Variants in SPRY3 observed in about 807,000 individuals in gnomAD.
The protein encoded by SPRY3 is sprouty RTK signaling antagonist 3.
SPRY3 carries 15 observed loss-of-function variants against 20.2 expected under a neutral mutation model. The observed-to-expected ratio is 0.74, with a 90% CI of 0.50 to 1.14. The LOEUF is 1.14. Ranked by LOEUF, SPRY3 falls within the 50% of genes most tolerant of loss-of-function variation. SPRY3 has a pLI of 0.00. For missense variants in SPRY3, 364 were observed against 363.9 expected (o/e 1.00, Z 0.00); for synonymous variants, 143 against 136.5 (o/e 1.05, Z -0.33).
intron 2 of SPRY3, among the ~76,000 whole-genome samples, chrX:155,729,311 G>A (rs1569388898): frequency 2.0e-5 from 3 of 151,794 alleles, no homozygotes; most frequent in African/African-American, 7.3e-5. Flanking sequence ...ATATTTTGGG[G>A]TAACAAAAAA....
chrX:155,768,331 G>T (rs1017575148), intron 3 of SPRY3, among the ~76,000 whole-genome samples, 195 bp downstream of exon 2: 1 of 152,128 alleles, frequency 6.6e-6, no homozygotes, highest in Admixed American at 6.5e-5. Context: ...GGCTCTCGCA[G>T]AAAACTATCC....
chrX:155,729,633 T>G (rs1305663645), intron 2 of SPRY3, among the ~76,000 whole-genome samples: 1 of 151,396 alleles, frequency 6.6e-6, no homozygotes, highest in Admixed American at 6.6e-5. Flanking sequence ...AATAAATAAC[T>G]GAATGATGCC....
downstream of SPRY3, chrX:155,780,866 C>T (rs1419341430): frequency 5.4e-5 from 9 of 166,800 alleles, no homozygotes; most frequent in African/African-American, 2.2e-4. Flanking sequence ...GAAAGAAAAA[C>T]AAAGGTTAAG....
At chrX:155,771,400 G>A (rs1347772582) in intron 3 of SPRY3, among the ~76,000 whole-genome samples, 1 of 152,068 alleles carries the variant, frequency 6.6e-6, no homozygotes, top group Non-Finnish European at 1.5e-5. Context: ...TTTATCTCCT[G>A]TAACTTTGAG....
intron 2 of SPRY3, among the ~76,000 whole-genome samples, chrX:155,729,065 A>G (rs2091117066): frequency 6.6e-6 from 1 of 152,168 alleles, no homozygotes. Flanking sequence ...GAACCCAGAC[A>G]TATAAAGCAA....
At chrX:155,657,265 C>A (rs1372958714) in intron 2 of SPRY3, among the ~76,000 whole-genome samples, 3 of 112,071 alleles carry the variant, frequency 2.7e-5, no homozygotes, top group African/African-American at 9.7e-5. Flanking sequence ...GGAGTTTTAT[C>A]TATAAGCCCC....
chrX:155,660,033 T>C (rs987702992), intron 2 of SPRY3, among the ~76,000 whole-genome samples: 1 of 112,029 alleles, frequency 8.9e-6, no homozygotes, highest in Non-Finnish European at 1.9e-5. Flanking sequence ...CATTTAGTTC[T>C]GCTATGATCT....
chrX:155,680,509 A>G (rs1001875291), intron 2 of SPRY3, among the ~76,000 whole-genome samples: 9 of 110,895 alleles, frequency 8.1e-5, no homozygotes, highest in Admixed American at 6.8e-4. Context: ...GGCTGATGGG[A>G]TGGATGGCAG....
chrX:155,766,838 C>T (rs1320763107), intron 2 of SPRY3, among the ~76,000 whole-genome samples: 1 of 152,130 alleles, frequency 6.6e-6, no homozygotes, highest in Non-Finnish European at 1.5e-5. Flanking sequence ...GAATGCATGC[C>T]ATGCTAAAGG....
intron 1 of SPRY3, among the ~76,000 whole-genome samples, chrX:155,637,085 G>A (rs943212100): frequency 9.6e-6 from 1 of 104,516 alleles, no homozygotes; most frequent in Non-Finnish European, 2.0e-5. Flanking sequence ...CCTAATGCTA[G>A]ATGACGAGTT....
chrX:155,718,790 G>C (rs2091037750), intron 2 of SPRY3, among the ~76,000 whole-genome samples: 1 of 152,062 alleles, frequency 6.6e-6, no homozygotes, highest in South Asian at 2.1e-4. Context: ...ATTGAGATAG[G>C]AAAGGCTTTC....
intron 1 of SPRY3, among the ~76,000 whole-genome samples, chrX:155,624,102 TTAGA>T (rs1468570971): frequency 7.1e-5 from 8 of 112,193 alleles, no homozygotes; most frequent in African/African-American, 2.6e-4. Context: ...ACATTCCTTG[TTAGA>T]TAGGAGGCTG....
chrX:155,772,290 C>A (rs2091385698), intron 3 of SPRY3, among the ~76,000 whole-genome samples: 1 of 152,138 alleles, frequency 6.6e-6, no homozygotes, highest in Non-Finnish European at 1.5e-5. Context: ...TGAGTCTGGT[C>A]ATATTATTAG....
chrX:155,637,228 A>T (rs1477076635), intron 1 of SPRY3, among the ~76,000 whole-genome samples: 1 of 110,945 alleles, frequency 9.0e-6, no homozygotes, highest in Non-Finnish European at 1.9e-5. Flanking sequence ...ACAAAGAGTT[A>T]TTTTTGTTGG....
At chrX:155,617,119 C>T (rs782270638) in intron 1 of SPRY3, among the ~76,000 whole-genome samples, 7 of 105,828 alleles carry the variant, frequency 6.6e-5, no homozygotes, top group African/African-American at 2.1e-4. Flanking sequence ...CCTCCCTCTC[C>T]TCAACCTTGT....
intron 1 of SPRY3, among the ~76,000 whole-genome samples, chrX:155,646,846 A>G (rs1045456216): frequency 1.8e-5 from 2 of 110,886 alleles, no homozygotes; most frequent in Non-Finnish European, 3.8e-5. Context: ...AAGTGGTGGG[A>G]GTGATTATCC....
intron 2 of SPRY3, among the ~76,000 whole-genome samples, chrX:155,757,148 G>A (rs2091286525): frequency 6.6e-6 from 1 of 152,058 alleles, no homozygotes; most frequent in South Asian, 2.1e-4. Context: ...ATTTAACATG[G>A]TCTGCAAGAC....
At chrX:155,732,063 C>T (rs1363451390) in intron 2 of SPRY3, among the ~76,000 whole-genome samples, 2 of 151,918 alleles carry the variant, frequency 1.3e-5, no homozygotes, top group Admixed American at 1.3e-4. Flanking sequence ...ACGTAGCCTT[C>T]CTAGATGTCA....
At chrX:155,673,199 A>G (rs1279668272) in intron 2 of SPRY3, among the ~76,000 whole-genome samples, 3 of 107,757 alleles carry the variant, frequency 2.8e-5, no homozygotes, top group Admixed American at 9.9e-5. Context: ...ATGTACCCTA[A>G]AACTTAAAGT....
Sources: allele counts gnomAD v4.1 joint callset (sites outside exome capture counted in the v4.1 genomes callset), GRCh38; gene constraint gnomAD v4.1.1; transcripts MANE v1.5; gene names NCBI Gene and HGNC (gene_info 2026-07-23, HGNC 2026-07-21).